Variants in RPIA observed in about 807,000 individuals in gnomAD.
RPIA encodes the protein ribose 5-phosphate isomerase A.
Under a neutral mutation model 37.8 loss-of-function variants are expected in RPIA, and 29 were observed. That is an observed-to-expected ratio of 0.77 (90% CI 0.57 to 1.05). The LOEUF (loss-of-function observed/expected upper bound fraction) is 1.05. RPIA is among the 50% of genes least tolerant of loss of function. RPIA has a pLI of 0.00. For synonymous variants in RPIA, 167 were observed against 157.0 expected (o/e 1.06, Z -0.48); for missense variants, 385 against 413.6 (o/e 0.93, Z 0.60).
At chr2:88,742,414 G>GT (rs1254751275) in intron 8 of RPIA, among the ~76,000 whole-genome samples, 5 of 152,126 alleles carry the variant, frequency 3.3e-5, no homozygotes, top group Non-Finnish European at 7.4e-5. Context: ...CTATATGCCT[G>GT]TTTTTATACC....
intron 2 of RPIA, among the ~76,000 whole-genome samples, chr2:88,699,167 A>G (rs1040239178): frequency 1.3e-5 from 2 of 152,240 alleles, no homozygotes; most frequent in Non-Finnish European, 2.9e-5. Context: ...GTCCAGGAAC[A>G]CTTTGTTATC....
intron 1 of RPIA, among the ~76,000 whole-genome samples, chr2:88,696,544 G>A (rs1013668118): frequency 1.3e-5 from 2 of 151,634 alleles, no homozygotes; most frequent in Non-Finnish European, 2.9e-5. Flanking sequence ...ATATATACAA[G>A]ATATATTGTA....
At chr2:88,729,728 G>GTTTTGTGGTA (rs1282665432) in intron 4 of RPIA, among the ~76,000 whole-genome samples, 5 of 69,814 alleles carry the variant, frequency 7.2e-5, no homozygotes, top group African/African-American at 1.6e-4. Flanking sequence ...TTAAAACTAA[G>GTTTTGTGGTA]CAGAACTGAA....
intron 3 of RPIA, among the ~76,000 whole-genome samples, chr2:88,701,482 GA>G (rs1206645671): frequency 6.6e-5 from 10 of 151,750 alleles, no homozygotes; most frequent in Admixed American, 1.3e-4. Context: ...TTATTTAAAA[GA>G]AAAAAAAGCA....
chr2:88,698,688 C>A, intron 2 of RPIA, 144 bp downstream of exon 2: 1 of 796,746 alleles, frequency 1.3e-6, no homozygotes, highest in South Asian at 1.4e-5. Context: ...TACCTGAGGT[C>A]AGTTGAGTGT....
At chr2:88,747,794 A>G (rs867365690) in intron 8 of RPIA, among the ~76,000 whole-genome samples, 1 of 152,068 alleles carries the variant, frequency 6.6e-6, no homozygotes, top group African/African-American at 2.4e-5. Context: ...CCCCTCTCAC[A>G]CTTTGGGAAC....
chr2:88,707,300 A>G (rs1181604297), intron 3 of RPIA, among the ~76,000 whole-genome samples: 1 of 147,242 alleles, frequency 6.8e-6, no homozygotes. Context: ...TTTTCTTGTG[A>G]TTTTCTTTTT....
intron 3 of RPIA, among the ~76,000 whole-genome samples, chr2:88,719,589 G>A (rs1051349604): frequency 6.6e-6 from 1 of 152,048 alleles, no homozygotes; most frequent in Non-Finnish European, 1.5e-5. Flanking sequence ...ACAGGTCATT[G>A]TAAAATAAGT....
intron 1 of RPIA, among the ~76,000 whole-genome samples, chr2:88,694,606 T>C (rs942964909): frequency 2.6e-5 from 4 of 152,236 alleles, no homozygotes; most frequent in African/African-American, 9.6e-5. Flanking sequence ...TCTTTTGTTA[T>C]ATTTGGGGTG....
At chr2:88,696,458 TTG>T (rs1379378965) in intron 1 of RPIA, among the ~76,000 whole-genome samples, 1 of 151,822 alleles carries the variant, frequency 6.6e-6, no homozygotes, top group Non-Finnish European at 1.5e-5. Flanking sequence ...GGCAGTAGGA[TTG>T]TATGAGCCCA....
chr2:88,729,230 CATG>C, intron 3 of RPIA, 45 bp from the exon 4 acceptor site: 1 of 1,591,392 alleles, frequency 6.3e-7, no homozygotes, highest in Middle Eastern at 1.7e-4. Context: ...GAATCCTTGT[CATG>C]AACTCAAGTA....
chr2:88,718,827 C>T (rs1673068273), intron 3 of RPIA, among the ~76,000 whole-genome samples: 1 of 151,998 alleles, frequency 6.6e-6, no homozygotes, highest in African/African-American at 2.4e-5. Flanking sequence ...CAAATATGCC[C>T]CAAATTTGGT....
At chr2:88,733,939 C>T (rs1038445210) in intron 4 of RPIA, among the ~76,000 whole-genome samples, 2 of 152,130 alleles carry the variant, frequency 1.3e-5, no homozygotes, top group African/African-American at 4.8e-5. Context: ...GCGGGCAAGC[C>T]CAGACAAGTG....
chr2:88,750,291 CTATTAAAA>C lies in RPIA; in HGVS notation c.*218_*225del, dbSNP rs1274908743. On this transcript the variant is annotated 3_prime_UTR_variant, in exon 9 of 9. Transcript: ENST00000283646. ...AGAGAAATATAAACATATATTTTTA[CTATTAAAA>C]TATTCAGTTTTTTAAATGAAGTAGA... 2.5e-6 allele frequency: 1 copy of C among 401,278 alleles called. No homozygotes were observed. The highest frequency in any genetic ancestry group is 2.0e-5 in the African/African-American group (1 of 49,508). The allele number at this position is 401,278 out of a possible 1,614,324, so 24.9% of individuals were successfully genotyped here. A position where few individuals can be genotyped will look rare whatever the true frequency, so the allele number is the denominator to read the frequency against.
intron 8 of RPIA, among the ~76,000 whole-genome samples, chr2:88,746,994 GGGCAGGGCCATA>G (rs1673445481): frequency 6.6e-6 from 1 of 152,120 alleles, no homozygotes; most frequent in Non-Finnish European, 1.5e-5. Context: ...CTTAGGTAAT[GGGCAGGGCCATA>G]GAGCTCCCAA....
rs1312736583 is a variant in RPIA at position 88,715,014 on chromosome 2, T to TC, written c.403-14263dup. Among the ~76,000 whole-genome samples the TC allele has an allele frequency of 4.6e-5, 7 of 152,360 alleles. No individual in the cohort carries two copies. The South Asian group carries it at 1.2e-3, about 27-fold the overall frequency. Reference sequence around the variant, plus strand: ...TAAATTAGCCTTTCAACCAGTCTTCTCTTTTTTTTACTCCTACTGTAACCA... The same window carrying TC: ...TAAATTAGCCTTTCAACCAGTCTTCTCCTTTTTTTTACTCCTACTGTAACCA... On this transcript the variant is annotated intron_variant, in intron 3 of 8. Transcript: ENST00000283646.
chr2:88,740,324 G>C (rs1168623129), intron 8 of RPIA, among the ~76,000 whole-genome samples: 2 of 152,208 alleles, frequency 1.3e-5, no homozygotes, highest in Non-Finnish European at 2.9e-5. Context: ...AAGACGTTCA[G>C]AGTTTTGTTA....
intron 4 of RPIA, 144 bp from the exon 5 acceptor site, chr2:88,734,408 A>G: frequency 1.3e-6 from 1 of 773,102 alleles, no homozygotes; most frequent in Non-Finnish European, 2.3e-6. Context: ...AACCTCTTGT[A>G]GCTCAATTTC....
chr2:88,713,504 T>C (rs1672989693), intron 3 of RPIA, among the ~76,000 whole-genome samples: 1 of 152,192 alleles, frequency 6.6e-6, no homozygotes, highest in Non-Finnish European at 1.5e-5. Flanking sequence ...CTATTTTTAA[T>C]TCTCTAAGGA....
Sources: allele counts gnomAD v4.1 joint callset (sites outside exome capture counted in the v4.1 genomes callset), GRCh38; gene constraint gnomAD v4.1.1; transcripts MANE v1.5; gene names NCBI Gene and HGNC (gene_info 2026-07-23, HGNC 2026-07-21).